TASP1: variants seen among roughly 807,000 people sequenced by gnomAD.
TASP1 encodes taspase 1.
TASP1 carries 16 observed loss-of-function variants against 56.6 expected under a neutral mutation model. The observed-to-expected ratio is 0.28, with a 90% CI of 0.19 to 0.43. The LOEUF (loss-of-function observed/expected upper bound fraction) is 0.43. Ranked by LOEUF, TASP1 falls within the 20% of genes least tolerant of loss-of-function variation. TASP1 has a pLI of 1.00. For missense variants in TASP1, 393 were observed against 511.6 expected, an observed-to-expected ratio of 0.77 and a Z score of 2.24; for synonymous variants, 179 against 184.2, an observed-to-expected ratio of 0.97 and a Z score of 0.23.
chr20:13,118,926 C>A, the TASP1 span, among the ~76,000 whole-genome samples: 2 of 152,252 alleles, frequency 1.3e-5, no homozygotes, highest in African/African-American at 4.8e-5. Context: ...GGCCTTTACC[C>A]TTCAATAAGC....
At chr20:13,318,353 G>C in the TASP1 span, among the ~76,000 whole-genome samples, 1 of 152,104 alleles carries the variant, frequency 6.6e-6, no homozygotes, top group Non-Finnish European at 1.5e-5. Flanking sequence ...TGGAGCAACA[G>C]GAATTCTTAT....
At chr20:13,251,272 A>G in the TASP1 span, among the ~76,000 whole-genome samples, 1 of 152,198 alleles carries the variant, frequency 6.6e-6, no homozygotes, top group Non-Finnish European at 1.5e-5. Flanking sequence ...TTCCACAGGC[A>G]TTGAATTCTG....
At chr20:13,203,463 GA>G in the TASP1 span, among the ~76,000 whole-genome samples, 1 of 152,144 alleles carries the variant, frequency 6.6e-6, no homozygotes, top group East Asian at 1.9e-4. Flanking sequence ...CAAACTTTAG[GA>G]TCTTGTTCAG....
At chr20:13,607,160 A>G (rs898309091) in intron 4 of TASP1, among the ~76,000 whole-genome samples, 3 of 152,202 alleles carry the variant, frequency 2.0e-5, no homozygotes, top group African/African-American at 7.2e-5. Flanking sequence ...TTTTAAACTT[A>G]TTCATAACTT....
the TASP1 span, chr20:13,164,781 G>A: frequency 6.2e-7 from 1 of 1,613,754 alleles, no homozygotes; most frequent in Non-Finnish European, 8.5e-7. Flanking sequence ...TGAAATGGGT[G>A]ATCTCTTGCA....
chr20:13,195,483 G>C, the TASP1 span, among the ~76,000 whole-genome samples: 1 of 152,178 alleles, frequency 6.6e-6, no homozygotes, highest in Non-Finnish European at 1.5e-5. Flanking sequence ...ACAGAATCAA[G>C]GAATCATTCC....
At chr20:13,215,326 G>T in the TASP1 span, among the ~76,000 whole-genome samples, 1 of 152,084 alleles carries the variant, frequency 6.6e-6, no homozygotes, top group African/African-American at 2.4e-5. Context: ...CAAATAGTTT[G>T]TTCTCTTTTT....
the TASP1 span, among the ~76,000 whole-genome samples, chr20:13,319,351 T>C: frequency 6.6e-6 from 1 of 152,152 alleles, no homozygotes; most frequent in Non-Finnish European, 1.5e-5. Context: ...CGGGTATTTC[T>C]ACTGCTAATC....
the TASP1 span, among the ~76,000 whole-genome samples, chr20:13,124,283 A>G: frequency 6.6e-6 from 1 of 151,894 alleles, no homozygotes; most frequent in Non-Finnish European, 1.5e-5. Flanking sequence ...GGTTATTGGT[A>G]TATACTTGCT....
At chr20:13,381,623 G>T in the TASP1 span, among the ~76,000 whole-genome samples, 1 of 152,148 alleles carries the variant, frequency 6.6e-6, no homozygotes, top group African/African-American at 2.4e-5. Context: ...ACTAGCTAGG[G>T]TATTGTTTAG....
At chr20:13,246,883 C>CT in the TASP1 span, among the ~76,000 whole-genome samples, 690 of 149,632 alleles carry the variant, frequency 4.6e-3, 2 homozygotes, top group African/African-American at 0.015. Context: ...ATCCTTCTCT[C>CT]TTTTTTTTTT....
rs140174411 is a variant in TASP1, at chr20:13,562,575, C to T, written c.569-3461G>A. Among the ~76,000 whole-genome samples, 725 of 151,994 alleles carry T rather than the reference C, an allele frequency of 4.8e-3. 3 individuals are homozygous for T. Among genetic ancestry groups the T allele is most frequent in the African/African-American group, 0.016 (652 of 41,476 alleles). On this transcript the variant is annotated intron_variant, in intron 7 of 13. Coordinates refer to ENST00000337743, the MANE Select transcript of TASP1 (RefSeq NM_017714.3). ...AGTGGGGACATTACTACTGATTCTTCAAAAATAAAAAGTATTATAGGCCAG... is the reference window on the plus strand; with the variant it reads ...AGTGGGGACATTACTACTGATTCTTTAAAAATAAAAAGTATTATAGGCCAG...
downstream of TASP1, among the ~76,000 whole-genome samples, chr20:13,386,692 G>A (rs557458656): frequency 3.9e-5 from 6 of 152,028 alleles, no homozygotes; most frequent in Non-Finnish European, 8.8e-5. Context: ...TGGAAATTAT[G>A]CAAAAAAGGC....
chr20:13,257,625 C>T, the TASP1 span, among the ~76,000 whole-genome samples: 287 of 151,786 alleles, frequency 1.9e-3, 1 homozygote, highest in Middle Eastern at 3.4e-3. Flanking sequence ...GTTTTGTTGA[C>T]GAGACCTGAT....
rs1455365651 is a variant in TASP1 at position 13,489,904 on chromosome 20, T to C, written c.875-6567A>G. ...GGATACTCTATGTATGTATATACCA[T>C]ATGTTCTTTATTCATTCATCTGTCA... On this transcript the variant is annotated intron_variant, in intron 10 of 13. Transcript: ENST00000337743. Among the ~76,000 whole-genome samples the C allele has an allele frequency of 9.9e-5, 15 of 152,224 alleles. No individual in the cohort carries two copies. The East Asian group carries it at 2.9e-3, about 29-fold the overall frequency.
intron 4 of TASP1, among the ~76,000 whole-genome samples, chr20:13,594,664 C>T (rs2047661410): frequency 1.3e-5 from 2 of 151,880 alleles, no homozygotes; most frequent in Admixed American, 1.3e-4. Context: ...AGTGAGAAGA[C>T]AAGAATAGAG....
At chr20:13,150,572 CTA>C in the TASP1 span, among the ~76,000 whole-genome samples, 2 of 152,210 alleles carry the variant, frequency 1.3e-5, no homozygotes, top group African/African-American at 4.8e-5. Flanking sequence ...CCAAGGAACA[CTA>C]TTCTATGTCC....
At chr20:13,555,097 A>G (rs2046110435) in intron 8 of TASP1, among the ~76,000 whole-genome samples, 1 of 152,114 alleles carries the variant, frequency 6.6e-6, no homozygotes. Flanking sequence ...AATATTTTAA[A>G]TCCTGGCTGG....
At chr20:13,587,734 A>G in intron 4 of TASP1, among the ~76,000 whole-genome samples, 1 of 152,018 alleles carries the variant, frequency 6.6e-6, no homozygotes, top group East Asian at 1.9e-4. Flanking sequence ...TATCAAAAAA[A>G]AAACACAGAA....
Sources: allele counts gnomAD v4.1 joint callset (sites outside exome capture counted in the v4.1 genomes callset), GRCh38; gene constraint gnomAD v4.1.1; transcripts MANE v1.5; gene names NCBI Gene and HGNC (gene_info 2026-07-23, HGNC 2026-07-21).